BLK: variants seen among roughly 807,000 people sequenced by gnomAD.
BLK encodes the protein BLK proto-oncogene, Src family tyrosine kinase.
Under a neutral mutation model 61.8 loss-of-function variants are expected in BLK, and 64 were observed. That is an observed-to-expected ratio of 1.03 (90% CI 0.85 to 1.27). The LOEUF (loss-of-function observed/expected upper bound fraction) is 1.27. BLK is among the 50% of genes most tolerant of loss of function. The pLI is 0.00. For synonymous variants in BLK, 351 were observed against 272.0 expected (o/e 1.29, Z -2.86); for missense variants, 853 against 660.5 (o/e 1.29, Z -3.19).
chr8:11,508,407 G>A (rs1474923694), intron 1 of BLK, among the ~76,000 whole-genome samples: 9 of 152,200 alleles, frequency 5.9e-5, no homozygotes, highest in East Asian at 1.9e-4. Context: ...GCTTTCCTCC[G>A]CTAGGGGGCT....
chr8:11,555,002 A>T, intron 7 of BLK, 113 bp downstream of exon 7: 1 of 1,483,116 alleles, frequency 6.7e-7, no homozygotes, highest in South Asian at 1.2e-5. Context: ...TGGAAAGATT[A>T]TCCCAAAGTT....
At chr8:11,556,585 G>A (rs894363962) in intron 8 of BLK, 73 bp from the exon 9 acceptor site, 26 of 1,595,316 alleles carry the variant, frequency 1.6e-5, no homozygotes, top group Admixed American at 3.3e-5. Context: ...CACTTACCCC[G>A]ATTTTGGTTA....
At chr8:11,547,385 G>C (rs1326837788) in intron 3 of BLK, among the ~76,000 whole-genome samples, 1 of 152,234 alleles carries the variant, frequency 6.6e-6, no homozygotes, top group Non-Finnish European at 1.5e-5. Context: ...GGGTCCTGTG[G>C]CTCCCAGAGC....
chr8:11,554,993 G>A (rs986333265), intron 7 of BLK, 104 bp downstream of exon 7: 3 of 1,502,402 alleles, frequency 2.0e-6, no homozygotes, highest in Non-Finnish European at 2.7e-6. Context: ...CTTGGGGGAT[G>A]GAAAGATTAT....
intron 1 of BLK, among the ~76,000 whole-genome samples, chr8:11,515,517 C>T (rs1253640507): frequency 6.6e-6 from 1 of 152,140 alleles, no homozygotes; most frequent in Non-Finnish European, 1.5e-5. Flanking sequence ...TTGCGTCTCT[C>T]TGGGGCATTC....
chr8:11,556,830 G>A lies in BLK; in HGVS notation c.945G>A (p.Met315Ile). The A allele has an allele frequency of 6.2e-7, 1 of 1,614,004 alleles. No individual in the cohort carries two copies. The highest frequency in any genetic ancestry group is 1.3e-5 in the African/African-American group (1 of 75,054). The change falls in exon 9 of 13, where the codon ATG becomes ATA. Residue 315 changes from methionine to isoleucine, a missense_variant. Transcript: ENST00000259089. ...KEPIYIVTEY[M>I]ARGCLLDFLK... Reference sequence around the variant, plus strand: ...CCATCTACATTGTCACCGAGTACATGGCCAGAGGTGGTGCCCCCCGCAGAG... The same window carrying A: ...CCATCTACATTGTCACCGAGTACATAGCCAGAGGTGGTGCCCCCCGCAGAG...
In BLK at chr8:11,548,080, G is replaced by A. The variant is rs374914510; in HGVS notation, c.224G>A (p.Arg75Gln). 1.3e-5 allele frequency: 21 copies of A among 1,613,756 alleles called. No homozygotes were observed. Among genetic ancestry groups the A allele is most frequent in the African/African-American group, 2.7e-5 (2 of 74,844 alleles). ...TATGACTACACCGCTATGAATGATC[G>A]GGACCTGCAGATGCTGAAGGGGGAG... ...ALYDYTAMND[R>Q]DLQMLKGEKL... is the part of the protein sequence containing the mutation. Residue 75 changes from arginine to glutamine, a missense_variant, in exon 4 of 13, where the codon CGG becomes CAG. Coordinates refer to ENST00000259089, the MANE Select transcript of BLK (RefSeq NM_001715.3).
chr8:11,542,794 A>G (rs760074625), intron 1 of BLK, among the ~76,000 whole-genome samples: 38 of 152,346 alleles, frequency 2.5e-4, no homozygotes, highest in Admixed American at 1.7e-3. Context: ...GCTGTTTACC[A>G]AAGAGCTAAT....
At chr8:11,544,802 G>A (rs1266835386) in intron 2 of BLK, among the ~76,000 whole-genome samples, 1 of 152,106 alleles carries the variant, frequency 6.6e-6, no homozygotes, top group Non-Finnish European at 1.5e-5. Context: ...CTTCAAAATT[G>A]TGTTCAATAA....
chr8:11,507,839 C>T (rs1206403746), intron 1 of BLK, among the ~76,000 whole-genome samples: 3 of 152,288 alleles, frequency 2.0e-5, no homozygotes, highest in Admixed American at 2.0e-4. Flanking sequence ...CTAGTTTTCT[C>T]CCCGAGCCAG....
intron 1 of BLK, among the ~76,000 whole-genome samples, chr8:11,531,724 G>C (rs1233017723): frequency 6.6e-6 from 1 of 152,102 alleles, no homozygotes; most frequent in East Asian, 1.9e-4. Context: ...CCCAGTCACT[G>C]ATGCTCTGTT....
intron 4 of BLK, among the ~76,000 whole-genome samples, 156 bp downstream of exon 4, chr8:11,548,281 T>G (rs779302170): frequency 6.6e-6 from 1 of 152,068 alleles, no homozygotes; most frequent in Non-Finnish European, 1.5e-5. Flanking sequence ...AACTTGGCCC[T>G]TTTGTCTTCC....
At position 11,527,879 on chromosome 8, in the gene BLK, A is replaced by T. The variant is rs1383380674; in HGVS notation, c.-1-15345A>T. ...CAGAAATCTTGTGACCTCTGGCCAC[A>T]TGACTCCTGAGCAGTAAGGGATTAC... On this transcript the variant is annotated intron_variant, in intron 1 of 12. Transcript: ENST00000259089. Among the ~76,000 whole-genome samples, 3 of 152,134 alleles carry T rather than the reference A, an allele frequency of 2.0e-5. 1 individual carries two copies. The South Asian group carries it at 6.2e-4, about 32-fold the overall frequency.
At chr8:11,553,368 C>A in intron 6 of BLK, 1 of 450,632 alleles carries the variant, frequency 2.2e-6, no homozygotes, top group South Asian at 1.6e-5. Context: ...TCCAGACATA[C>A]CACAGAGGCA....
At chr8:11,503,984 A>G (rs1029500658) in intron 1 of BLK, among the ~76,000 whole-genome samples, 1 of 152,142 alleles carries the variant, frequency 6.6e-6, no homozygotes, top group Non-Finnish European at 1.5e-5. Context: ...CCCTGGGGCT[A>G]AAGTCTCCCC....
At chr8:11,536,410 T>G (rs1585376525) in intron 1 of BLK, among the ~76,000 whole-genome samples, 1 of 152,228 alleles carries the variant, frequency 6.6e-6, no homozygotes, top group Non-Finnish European at 1.5e-5. Flanking sequence ...TTTATTTTTT[T>G]GAGACAGTCT....
intron 1 of BLK, among the ~76,000 whole-genome samples, chr8:11,533,036 C>T (rs1267528819): frequency 6.6e-6 from 1 of 152,190 alleles, no homozygotes; most frequent in Non-Finnish European, 1.5e-5. Context: ...GAAAAGCATG[C>T]AGTAAAATGC....
chr8:11,563,157 G>C, intron 12 of BLK, 47 bp downstream of exon 12: 7 of 1,612,170 alleles, frequency 4.3e-6, no homozygotes, highest in African/African-American at 1.3e-5. Flanking sequence ...TTCCCGGCCG[G>C]CCCTGATGGC....
At chr8:11,559,760 C>T (rs901052420) in intron 10 of BLK, 5 of 456,184 alleles carry the variant, frequency 1.1e-5, no homozygotes, top group Non-Finnish European at 2.2e-5. Context: ...CTCCTCTGCC[C>T]AGGAAGCCTT....
Sources: gnomAD v4.1 joint callset for allele counts (sites outside exome capture counted in the v4.1 genomes callset) on GRCh38, gnomAD v4.1.1 for gene constraint, MANE v1.5 for transcripts, NCBI Gene and HGNC (gene_info 2026-07-23, HGNC 2026-07-21) for gene names.